The following CADM2 variants were observed in gnomAD, a reference collection of about 807,000 sequenced individuals.
The protein encoded by CADM2 is immunoglobulin superfamily member 4D.
Under a neutral mutation model 49.8 loss-of-function variants are expected in CADM2, and 12 were observed. The observed-to-expected ratio is 0.24, with a 90% CI of 0.15 to 0.39. The LOEUF is 0.39. Ranked by LOEUF, CADM2 falls within the 10% of genes least tolerant of loss-of-function variation. The pLI is 1.00. For synonymous variants in CADM2, 214 were observed against 175.4 expected (o/e 1.22, Z -1.74); for missense variants, 378 against 492.3 (o/e 0.77, Z 2.20).
At chr3:86,006,996 C>T (rs964990967) in intron 8 of CADM2, among the ~76,000 whole-genome samples, 11 of 152,100 alleles carry the variant, frequency 7.2e-5, no homozygotes, top group South Asian at 2.1e-4. Flanking sequence ...GCCGAGATCA[C>T]GCCATTGCAC....
intron 1 of CADM2, among the ~76,000 whole-genome samples, chr3:85,466,255 T>A (rs1021305508): frequency 1.3e-5 from 2 of 152,164 alleles, no homozygotes; most frequent in African/African-American, 4.8e-5. Flanking sequence ...ATGAACACTT[T>A]CAGTAATTTC....
At chr3:85,842,374 T>G (rs536766770) in intron 3 of CADM2, among the ~76,000 whole-genome samples, 1 of 152,230 alleles carries the variant, frequency 6.6e-6, no homozygotes, top group Admixed American at 6.6e-5. Context: ...AAGTTATATT[T>G]GCCTGTCTTC....
intron 1 of CADM2, among the ~76,000 whole-genome samples, chr3:85,057,332 T>C (rs945741585): frequency 6.6e-6 from 1 of 152,054 alleles, no homozygotes; most frequent in Non-Finnish European, 1.5e-5. Context: ...GGGATCTTCC[T>C]GTAGTGTTAC....
intron 3 of CADM2, among the ~76,000 whole-genome samples, chr3:85,831,369 A>T (rs750342962): frequency 3.1e-4 from 47 of 152,010 alleles, no homozygotes; most frequent in East Asian, 1.9e-4. Context: ...GCTGGATAGA[A>T]TGGCAGTTCT....
chr3:85,697,384 A>T (rs1370710262), intron 1 of CADM2, among the ~76,000 whole-genome samples: 1 of 152,074 alleles, frequency 6.6e-6, no homozygotes, highest in Admixed American at 6.6e-5. Flanking sequence ...TGAAAACGCC[A>T]GTTACCCTGT....
At chr3:85,964,525 G>A (rs1230209643) in intron 8 of CADM2, among the ~76,000 whole-genome samples, 1 of 151,678 alleles carries the variant, frequency 6.6e-6, no homozygotes, top group Non-Finnish European at 1.5e-5. Context: ...ACATTTAATT[G>A]TTAAAACCAC....
At chr3:85,628,643 A>G (rs5023755) in intron 1 of CADM2, among the ~76,000 whole-genome samples, 48,192 of 146,752 alleles carry the variant, frequency 0.33, 8,712 homozygotes, top group East Asian at 0.61. Context: ...ATATACATAT[A>G]TACACACACA....
chr3:85,965,168 A>G (rs1290703754), intron 8 of CADM2, among the ~76,000 whole-genome samples: 1 of 151,100 alleles, frequency 6.6e-6, no homozygotes, highest in Non-Finnish European at 1.5e-5. Context: ...GAGCTATAGT[A>G]AGATGGTCAT....
At chr3:85,917,199 T>G (rs1036300086) in intron 6 of CADM2, among the ~76,000 whole-genome samples, 1 of 150,496 alleles carries the variant, frequency 6.6e-6, no homozygotes, top group Non-Finnish European at 1.5e-5. Flanking sequence ...ATTTTGTCTT[T>G]TGTTGCCATT....
At chr3:85,171,494 A>G (rs1453131454) in intron 1 of CADM2, among the ~76,000 whole-genome samples, 4 of 152,210 alleles carry the variant, frequency 2.6e-5, no homozygotes, top group Non-Finnish European at 4.4e-5. Context: ...AAAGTGCTGT[A>G]TATACACTAA....
At chr3:85,877,909 A>G (rs1187256275) in intron 3 of CADM2, among the ~76,000 whole-genome samples, 4 of 151,978 alleles carry the variant, frequency 2.6e-5, no homozygotes, top group Non-Finnish European at 5.9e-5. Flanking sequence ...GTTCCTGCTC[A>G]CAGGAAACCC....
chr3:85,630,410 G>A (rs2064273323), intron 1 of CADM2, among the ~76,000 whole-genome samples: 1 of 151,940 alleles, frequency 6.6e-6, no homozygotes, highest in Non-Finnish European at 1.5e-5. Flanking sequence ...ATCTCTTTCT[G>A]TGGGAAACAT....
At chr3:85,208,551 T>C (rs1444640100) in intron 1 of CADM2, among the ~76,000 whole-genome samples, 1 of 152,068 alleles carries the variant, frequency 6.6e-6, no homozygotes, top group Non-Finnish European at 1.5e-5. Flanking sequence ...AATAATTAAT[T>C]TGTGACAGTT....
At chr3:85,931,250 A>T (rs894874185) in intron 6 of CADM2, among the ~76,000 whole-genome samples, 7 of 151,982 alleles carry the variant, frequency 4.6e-5, no homozygotes, top group South Asian at 2.1e-4. Context: ...TAAGAAAGAG[A>T]TAAAGAGAGA....
intron 1 of CADM2, among the ~76,000 whole-genome samples, chr3:85,547,094 A>AATATAT (rs142343184): frequency 6.6e-6 from 1 of 150,562 alleles, no homozygotes; most frequent in Non-Finnish European, 1.5e-5. Context: ...TATTTTGATG[A>AATATAT]ATATATATAT....
At chr3:85,246,731 A>G (rs1010077611) in intron 1 of CADM2, among the ~76,000 whole-genome samples, 4 of 151,776 alleles carry the variant, frequency 2.6e-5, no homozygotes, top group African/African-American at 9.7e-5. Context: ...ATCATTTAGA[A>G]TAAACTGTGA....
chr3:85,718,286 G>T (rs1356762257), intron 1 of CADM2, among the ~76,000 whole-genome samples: 1 of 152,098 alleles, frequency 6.6e-6, no homozygotes, highest in Non-Finnish European at 1.5e-5. Context: ...ATAGCTTTTT[G>T]GTTTAGTAAT....
intron 1 of CADM2, among the ~76,000 whole-genome samples, chr3:85,041,078 G>A (rs921777928): frequency 2.0e-5 from 3 of 152,052 alleles, no homozygotes; most frequent in Non-Finnish European, 2.9e-5. Flanking sequence ...GTTAAACACC[G>A]ACTTAATTCA....
chr3:85,959,589 A>G (rs1161687507), intron 7 of CADM2, among the ~76,000 whole-genome samples: 1 of 151,852 alleles, frequency 6.6e-6, no homozygotes, highest in African/African-American at 2.4e-5. Context: ...AGAGTCTACT[A>G]TCACTCAGGA....
Sources: allele counts gnomAD v4.1 joint callset (sites outside exome capture counted in the v4.1 genomes callset), GRCh38; gene constraint gnomAD v4.1.1; transcripts MANE v1.5; gene names NCBI Gene and HGNC (gene_info 2026-07-23, HGNC 2026-07-21).